RASGEF1C: variants seen among roughly 807,000 people sequenced by gnomAD.
RASGEF1C encodes ras-GEF domain-containing family member 1C.
RASGEF1C carries 27 observed loss-of-function variants against 58.1 expected under a neutral mutation model. The observed-to-expected ratio is 0.46, with a 90% CI of 0.34 to 0.64. The LOEUF is 0.64. Ranked by LOEUF, RASGEF1C falls within the 30% of genes least tolerant of loss-of-function variation. RASGEF1C has a pLI of 0.01. For missense variants in RASGEF1C, 502 were observed against 605.1 expected (o/e 0.83, Z 1.79); for synonymous variants, 243 against 246.3 (o/e 0.99, Z 0.13).
chr5:180,115,032 T>C (rs952443076), intron 10 of RASGEF1C, among the ~76,000 whole-genome samples: 11 of 151,902 alleles, frequency 7.2e-5, no homozygotes, highest in African/African-American at 1.9e-4. Flanking sequence ...CCTTTTTTTT[T>C]TGAGAGGAGT....
rs145999937 is a variant in RASGEF1C at position 180,140,806 on chromosome 5, C to T, written c.-6-2748G>A. Among the ~76,000 whole-genome samples, 14 of 152,332 alleles carry T rather than the reference C, an allele frequency of 9.2e-5. No individual in the cohort carries two copies. In the East Asian group the frequency reaches 1.9e-3, roughly 21 times the overall value. On this transcript the variant is annotated intron_variant, in intron 1 of 13. Transcript: ENST00000361132. ...CTGAGGGCTGACGGCAGGATGCAATCGGCAGAGAGACATGCCAGACAGACT... is the reference window on the plus strand; with the variant it reads ...CTGAGGGCTGACGGCAGGATGCAATTGGCAGAGAGACATGCCAGACAGACT...
intron 4 of RASGEF1C, 51 bp downstream of exon 4, chr5:180,136,327 G>C: frequency 6.6e-7 from 1 of 1,520,358 alleles, no homozygotes; most frequent in Non-Finnish European, 8.9e-7. Flanking sequence ...ACAGGCGCAG[G>C]CCTGGGACGG....
chr5:180,175,459 T>A (rs1335181697), intron 1 of RASGEF1C, among the ~76,000 whole-genome samples: 2 of 152,190 alleles, frequency 1.3e-5, no homozygotes, highest in Non-Finnish European at 2.9e-5. Context: ...ACACCTGCCA[T>A]GTGCAGCCCC....
Position 180,138,070 on chromosome 5 carries a change from A to G in RASGEF1C, c.-6-12T>C, listed in dbSNP as rs1766517362. The G allele has an allele frequency of 2.8e-6, 4 of 1,451,898 alleles. No individual in the cohort carries two copies. The highest frequency in any genetic ancestry group is 2.7e-6 in the Non-Finnish European group (3 of 1,091,682). 89.9% of individuals were successfully genotyped at this position (1,451,898 alleles called of 1,614,324 possible). The stretch of plus-strand genomic sequence containing the variant: ...TGTGGCATGTCTGCCTGCAATGGCA[A>G]GGAGCAGTGAGGACCTGAGTGGGGG... On this transcript the variant is annotated splice_polypyrimidine_tract_variant and intron_variant, in intron 1 of 13. Coordinates refer to ENST00000361132, the MANE Select transcript of RASGEF1C (RefSeq NM_175062.4).
chr5:180,191,569 G>A (rs965783297), intron 1 of RASGEF1C, among the ~76,000 whole-genome samples: 18 of 151,846 alleles, frequency 1.2e-4, no homozygotes, highest in African/African-American at 4.4e-4. Context: ...TGTTAGCCAG[G>A]ATGGTCTCCA....
In RASGEF1C at chr5:180,185,516, T is replaced by G. The variant is rs558337953; in HGVS notation, c.-7+23512A>C. Among the ~76,000 whole-genome samples, 29 of 151,708 alleles carry G rather than the reference T, an allele frequency of 1.9e-4. No homozygotes were observed. The East Asian group carries it at 5.3e-3, about 28-fold the overall frequency. ...AGGAGAATCACCTTTACCCGGGAGG[T>G]GGAGGTTGCAATGAGCCAAGATTGT... On this transcript the variant is annotated intron_variant, in intron 1 of 13. Transcript: ENST00000361132.
At chr5:180,188,735 T>TATGGC (rs1232181206) in intron 1 of RASGEF1C, among the ~76,000 whole-genome samples, 2 of 152,222 alleles carry the variant, frequency 1.3e-5, no homozygotes, top group African/African-American at 4.8e-5. Flanking sequence ...CACATGGGTA[T>TATGGC]ATGGCATGAT....
intron 6 of RASGEF1C, among the ~76,000 whole-genome samples, chr5:180,121,681 A>ACACACACACC (rs71892414): frequency 3.3e-4 from 24 of 73,522 alleles, no homozygotes; most frequent in East Asian, 1.3e-3. Flanking sequence ...ACACACACAC[A>ACACACACACC]CCCTCATTAT....
chr5:180,133,056 T>C (rs1226069104), intron 4 of RASGEF1C, among the ~76,000 whole-genome samples: 1 of 151,518 alleles, frequency 6.6e-6, no homozygotes, highest in Non-Finnish European at 1.5e-5. Context: ...CCAGTGGGTA[T>C]GGCCAGAGCA....
chr5:180,101,574 C>T, intron 13 of RASGEF1C, 49 bp from the exon 14 acceptor site: 1 of 1,602,802 alleles, frequency 6.2e-7, no homozygotes, highest in African/African-American at 1.3e-5. Context: ...AGCTCCCCAC[C>T]CCAGTTAGAC....
At chr5:180,147,415 C>T (rs1766674464) in intron 1 of RASGEF1C, among the ~76,000 whole-genome samples, 1 of 151,698 alleles carries the variant, frequency 6.6e-6, no homozygotes, top group Non-Finnish European at 1.5e-5. Context: ...TGAGATCTTT[C>T]TTCTTTTTTA....
At chr5:180,174,442 G>C (rs914650421) in intron 1 of RASGEF1C, among the ~76,000 whole-genome samples, 2 of 109,978 alleles carry the variant, frequency 1.8e-5, no homozygotes, top group Admixed American at 8.6e-5. Flanking sequence ...GTGTGTGTCT[G>C]TGCATGTGCG....
At chr5:180,123,732 T>TA (rs570139482) in intron 6 of RASGEF1C, among the ~76,000 whole-genome samples, 72 of 151,732 alleles carry the variant, frequency 4.7e-4, no homozygotes, top group African/African-American at 1.5e-3. Context: ...AATGAAATAG[T>TA]AAAAAAAACT....
intron 1 of RASGEF1C, among the ~76,000 whole-genome samples, chr5:180,201,146 G>A (rs1247909115): frequency 6.6e-6 from 1 of 152,118 alleles, no homozygotes; most frequent in Non-Finnish European, 1.5e-5. Context: ...GGGAAACAGA[G>A]CACGCCTGAG....
rs898976407 is a variant in RASGEF1C, at chr5:180,137,333, C to G, written c.300+257G>C. ...CCCTCCCGGCCACAGATGGGTCCTA[C>G]TGACCGGGCTCCGGATACTCAGGTC... is the stretch of plus-strand genomic sequence containing the variant. On this transcript the variant is annotated intron_variant, in intron 3 of 13. Transcript: ENST00000361132. The surrounding 1 kb of genome is among the most constrained non-coding windows in gnomAD (Gnocchi z 4.1). Among the ~76,000 whole-genome samples, 3 of 152,198 alleles carry G rather than the reference C, an allele frequency of 2.0e-5. No individual in the cohort carries two copies. The highest frequency in any genetic ancestry group is 4.4e-5 in the Non-Finnish European group (3 of 68,026).
At chr5:180,102,176 A>G (rs1277063167) in intron 12 of RASGEF1C, 33 bp from the exon 13 acceptor site, 1 of 1,289,494 alleles carries the variant, frequency 7.8e-7, no homozygotes, top group South Asian at 1.2e-5. Context: ...TTTCACAATT[A>G]TGGTTGATGA....
chr5:180,150,438 T>G (rs565398579), intron 1 of RASGEF1C, among the ~76,000 whole-genome samples: 20 of 152,304 alleles, frequency 1.3e-4, no homozygotes, highest in Non-Finnish European at 2.4e-4. Context: ...TTTCTTTATA[T>G]GCCTTGTGGT....
chr5:180,113,322 A>AT (rs1286117859), intron 11 of RASGEF1C, among the ~76,000 whole-genome samples: 4 of 59,308 alleles, frequency 6.7e-5, no homozygotes, highest in African/African-American at 7.0e-5. Context: ...GGACGGAGGG[A>AT]CCGGGGATGG....
At chr5:180,159,208 C>T (rs7700645) in intron 1 of RASGEF1C, among the ~76,000 whole-genome samples, 70,599 of 150,660 alleles carry the variant, frequency 0.47, 16,767 homozygotes, top group African/African-American at 0.5. Flanking sequence ...GGCGCGATCT[C>T]GGCTCACTGC....
Sources: allele counts gnomAD v4.1 joint callset (sites outside exome capture counted in the v4.1 genomes callset), GRCh38; gene constraint gnomAD v4.1.1; non-coding constraint Gnocchi (gnomAD v3.1); transcripts MANE v1.5; gene names NCBI Gene and HGNC (gene_info 2026-07-23, HGNC 2026-07-21).